CNNM2: variants seen among roughly 807,000 people sequenced by gnomAD.
CNNM2 encodes metal transporter CNNM2.
In CNNM2, 12 loss-of-function variants were observed where a neutral mutation model predicts 66.9. The ratio of observed to expected loss-of-function variants is 0.18; its 90% CI spans 0.11 to 0.29. The LOEUF is 0.29. Ranked by LOEUF, CNNM2 falls within the 10% of genes least tolerant of loss-of-function variation. The pLI, the probability that CNNM2 is intolerant of heterozygous loss-of-function variation, is 1.00. For synonymous variants in CNNM2, 557 were observed against 501.8 expected (o/e 1.11, Z -1.47); for missense variants, 705 against 1,167.7 (o/e 0.60, Z 5.77).
At chr10:102,934,567 C>A (rs1175840194) in intron 1 of CNNM2, among the ~76,000 whole-genome samples, 2 of 152,064 alleles carry the variant, frequency 1.3e-5, no homozygotes, top group African/African-American at 4.8e-5. Context: ...AGGCATGAGC[C>A]ACCGCGCCCA....
chr10:103,049,701 C>T lies in CNNM2; in HGVS notation c.1622-6C>T, dbSNP rs74464353. ...TCACTTCCTAAACTTTTTCTTGTCTCTAAAGGTAAATCTCACCTGGCTATC... is the reference window on the plus strand; with the variant it reads ...TCACTTCCTAAACTTTTTCTTGTCTTTAAAGGTAAATCTCACCTGGCTATC... On this transcript the variant is annotated splice_region_variant and splice_polypyrimidine_tract_variant and intron_variant, in intron 1 of 7. Coordinates refer to ENST00000369878, the MANE Select transcript of CNNM2 (RefSeq NM_017649.5). The T allele has an allele frequency of 2.4e-3, 3,799 of 1,610,694 alleles. 111 individuals carry two copies. The African/African-American group carries it at 0.046, about 20-fold the overall frequency.
At chr10:102,935,177 A>C (rs1846193547) in intron 1 of CNNM2, among the ~76,000 whole-genome samples, 1 of 140,928 alleles carries the variant, frequency 7.1e-6, no homozygotes, top group Non-Finnish European at 1.6e-5. Flanking sequence ...AAAAAAAAAA[A>C]AAAAAGACTT....
chr10:102,936,557 T>G (rs1846249154), intron 1 of CNNM2, among the ~76,000 whole-genome samples: 1 of 150,234 alleles, frequency 6.7e-6, no homozygotes, highest in African/African-American at 2.5e-5. Flanking sequence ...TGGGGGAGAT[T>G]GGGTGTGGAG....
intron 1 of CNNM2, among the ~76,000 whole-genome samples, chr10:102,944,665 C>T (rs1846547845): frequency 6.6e-6 from 1 of 150,690 alleles, no homozygotes; most frequent in Admixed American, 6.6e-5. Flanking sequence ...AGGTTGCAGA[C>T]ATCATGATAC....
At chr10:102,935,011 T>C (rs1846184257) in intron 1 of CNNM2, among the ~76,000 whole-genome samples, 2 of 150,458 alleles carry the variant, frequency 1.3e-5, no homozygotes, top group Non-Finnish European at 3.0e-5. Context: ...ATACAAAAAT[T>C]AGCTGGGCAT....
Position 102,919,364 on chromosome 10 carries a change from C to G in CNNM2, c.884C>G (p.Thr295Arg). ...MELRIVQNCG[T>R]EKEKNYAKRI... ...CTGCGCATCGTGCAGAACTGCGGCA[C>G]GGAGAAGGAGAAGAATTACGCCAAG... The change falls in exon 1 of 8, where the codon ACG becomes AGG. Residue 295 changes from threonine to arginine, a missense_variant. This residue lies in a region of CNNM2 where 49 missense variants were observed against 183.7 expected (regional missense o/e 0.27). Transcript: ENST00000369878. 4 of 1,612,874 alleles carry G rather than the reference C, an allele frequency of 2.5e-6. No homozygotes were observed. The highest frequency in any genetic ancestry group is 3.4e-6 in the Non-Finnish European group (4 of 1,180,034).
chr10:103,005,001 C>T (rs983497577), intron 1 of CNNM2, among the ~76,000 whole-genome samples: 2 of 151,958 alleles, frequency 1.3e-5, no homozygotes, highest in Non-Finnish European at 2.9e-5. Context: ...TTTTTTCCCC[C>T]CTCCAGGTTA....
In CNNM2 at chr10:103,081,849, G is replaced by A. The variant is rs925818304; in HGVS notation, c.*4669G>A. 6.6e-6 allele frequency: 1 copy of A among 152,260 alleles called. No homozygotes were observed. The highest frequency in any genetic ancestry group is 2.4e-5 in the African/African-American group (1 of 41,456). 9.4% of individuals were successfully genotyped at this position (152,260 alleles called of 1,614,324 possible). On this transcript the variant is annotated 3_prime_UTR_variant, in exon 8 of 8. Coordinates refer to ENST00000369878, the MANE Select transcript of CNNM2 (RefSeq NM_017649.5). ...TGGCAGTTCACAGCAACTGCATAGA[G>A]TAGGGAGCAGCTTTCCTCCCACCAT...
chr10:103,014,196 A>AT (rs1307216402), intron 1 of CNNM2, among the ~76,000 whole-genome samples: 1 of 152,190 alleles, frequency 6.6e-6, no homozygotes, highest in Non-Finnish European at 1.5e-5. Flanking sequence ...TTGCATGCCT[A>AT]TTGGGTACCA....
Position 103,087,137 on chromosome 10 carries a change from A to C in CNNM2, c.*9957A>C, listed in dbSNP as rs11191550. 1 of 66,372 alleles carries C rather than the reference A, an allele frequency of 1.5e-5. No homozygotes were observed. Among genetic ancestry groups the C allele is most frequent in the African/African-American group, 4.4e-5 (1 of 22,934 alleles). 4.1% of individuals were successfully genotyped at this position (66,372 alleles called of 1,614,324 possible). ...GTCTTCTCACGGTATAAAACTCCGCAGGATTTTTTTTTTTTTTTTTTTTTT... is the reference window on the plus strand; with the variant it reads ...GTCTTCTCACGGTATAAAACTCCGCCGGATTTTTTTTTTTTTTTTTTTTTT... On this transcript the variant is annotated 3_prime_UTR_variant, in exon 8 of 8. Transcript: ENST00000369878.
At chr10:103,027,253 G>C (rs764583131) in intron 1 of CNNM2, 2 of 152,204 alleles carry the variant, frequency 1.3e-5, no homozygotes, top group Non-Finnish European at 2.9e-5. Context: ...GGCTGCAATG[G>C]CGCTCTGCCC....
At chr10:103,022,009 T>C (rs1039185395) in intron 1 of CNNM2, among the ~76,000 whole-genome samples, 1 of 152,202 alleles carries the variant, frequency 6.6e-6, no homozygotes, top group Non-Finnish European at 1.5e-5. Flanking sequence ...CTGTTCATCT[T>C]TGATGAATGT....
chr10:102,931,996 A>C (rs1296538304), intron 1 of CNNM2, among the ~76,000 whole-genome samples: 1 of 152,050 alleles, frequency 6.6e-6, no homozygotes, highest in African/African-American at 2.4e-5. Context: ...ATGTCTATGC[A>C]GTTCTTTTGC....
intron 5 of CNNM2, among the ~76,000 whole-genome samples, chr10:103,069,563 T>C (rs1252653145): frequency 6.6e-6 from 1 of 152,230 alleles, no homozygotes; most frequent in Non-Finnish European, 1.5e-5. Context: ...TCTGGAGAGC[T>C]GGCCAGGCGA....
intron 1 of CNNM2, among the ~76,000 whole-genome samples, chr10:102,989,283 A>T (rs2063852773): frequency 6.6e-6 from 1 of 152,222 alleles, no homozygotes; most frequent in African/African-American, 2.4e-5. Flanking sequence ...GACATTTTTG[A>T]GACTTAACTA....
Position 103,076,108 on chromosome 10 carries a change from C to A in CNNM2, c.2256C>A (p.Arg752=). 1 of 1,612,100 alleles carries A rather than the reference C, an allele frequency of 6.2e-7. No homozygotes were observed. Among genetic ancestry groups the A allele is most frequent in the Non-Finnish European group, 8.5e-7 (1 of 1,179,010 alleles). ...CAGGTGAAAATAAGTCCCCTCCTCG[C>A]CCATGTGGCTTGAATCACTCAGACT... ...GSPGENKSPP[R]PCGLNHSDSL... Residue 752 remains arginine, a synonymous_variant, in exon 7 of 8, where the codon CGC becomes CGA. Coordinates refer to ENST00000369878, the MANE Select transcript of CNNM2 (RefSeq NM_017649.5).
At chr10:103,025,946 TAAG>T (rs1333218443) in intron 1 of CNNM2, among the ~76,000 whole-genome samples, 1 of 152,236 alleles carries the variant, frequency 6.6e-6, no homozygotes, top group Admixed American at 6.5e-5. Flanking sequence ...GGGGGTCTAA[TAAG>T]AGGTGATTGG....
rs3897402 is a variant in CNNM2 at position 102,945,655 on chromosome 10, C to T, written c.1621+25554C>T. On this transcript the variant is annotated intron_variant, in intron 1 of 7. Coordinates refer to ENST00000369878, the MANE Select transcript of CNNM2 (RefSeq NM_017649.5). ...TTCTGTGCTTCCCTTTGGCTTGTTC[C>T]ATTCTCCCTTCCCTTGTTGTTTTCT... Among the ~76,000 whole-genome samples, 28,502 of 151,882 alleles carry T rather than the reference C, an allele frequency of 0.19. 2,855 individuals carry two copies. Among genetic ancestry groups the T allele is most frequent in the Non-Finnish European group, 0.22 (15,029 of 67,950 alleles).
At chr10:103,042,433 A>G (rs1037066725) in intron 1 of CNNM2, among the ~76,000 whole-genome samples, 3 of 152,136 alleles carry the variant, frequency 2.0e-5, no homozygotes, top group Admixed American at 2.0e-4. Context: ...TGTTCTCCAC[A>G]GCACTTGAAC....
Sources: allele counts gnomAD v4.1 joint callset (sites outside exome capture counted in the v4.1 genomes callset), GRCh38; gene constraint gnomAD v4.1.1; regional missense constraint gnomAD v4.1.1; transcripts MANE v1.5; gene names NCBI Gene and HGNC (gene_info 2026-07-23, HGNC 2026-07-21).